The following TENM2 variants were observed in gnomAD, a reference collection of about 807,000 sequenced individuals.
The protein encoded by TENM2 is teneurin transmembrane protein 2, also known as teneurin-2.
Under a neutral mutation model 245.2 loss-of-function variants are expected in TENM2, and 52 were observed. That is an observed-to-expected ratio of 0.21 (90% CI 0.17 to 0.27). The LOEUF (loss-of-function observed/expected upper bound fraction) is 0.27. Among genes scored for constraint, TENM2 ranks in the 10% least tolerant of loss-of-function variants. TENM2 has a pLI of 1.00. For missense variants in TENM2, 3,046 were observed against 3,666.8 expected, an observed-to-expected ratio of 0.83 and a Z score of 4.37; for synonymous variants, 1,363 against 1,438.9, an observed-to-expected ratio of 0.95 and a Z score of 1.19.
intron 2 of TENM2, among the ~76,000 whole-genome samples, chr5:167,671,916 A>G (rs1025443187): frequency 2.6e-5 from 4 of 152,014 alleles, no homozygotes; most frequent in African/African-American, 9.7e-5. Flanking sequence ...AGTCATAGTA[A>G]TGATCTTTTA....
At position 167,312,921 on chromosome 5, in the gene TENM2, T is replaced by TTTC. The variant is rs3067273; in HGVS notation, c.226+27858_226+27859insTTC. Among the ~76,000 whole-genome samples the TTTC allele has an allele frequency of 5.7e-3, 840 of 146,622 alleles. 6 individuals carry two copies. Among genetic ancestry groups the TTTC allele is most frequent in the African/African-American group, 0.016 (649 of 39,994 alleles). ...TGACCTTGACTCTTTTTTTTTTTTT[T>TTTC]AAATGGAGCCTCCTTCTGTCACCCA... On this transcript the variant is annotated intron_variant, in intron 1 of 28. Coordinates refer to ENST00000518659, the Ensembl canonical transcript of TENM2.
intron 2 of TENM2, among the ~76,000 whole-genome samples, chr5:167,450,317 C>T (rs1488612240): frequency 2.0e-5 from 3 of 152,122 alleles, no homozygotes; most frequent in African/African-American, 7.2e-5. Context: ...AAAGTCTCTT[C>T]CACAATGTCA....
In TENM2 at chr5:168,217,864, A is replaced by G. The variant is rs184683282; in HGVS notation, c.4234-261A>G. The stretch of plus-strand genomic sequence containing the variant: ...GTCCAGCCATCTGGAGCTGAGAAGC[A>G]GCATCATAGGTAGAGCTGATGGCCT... On this transcript the variant is annotated intron_variant, in intron 22 of 28. Coordinates refer to ENST00000518659, the Ensembl canonical transcript of TENM2. Among the ~76,000 whole-genome samples, 3 of 152,336 alleles carry G rather than the reference A, an allele frequency of 2.0e-5. No individual in the cohort carries two copies. The East Asian group carries it at 5.8e-4, about 29-fold the overall frequency.
chr5:167,125,195 A>G, the TENM2 span, among the ~76,000 whole-genome samples: 2 of 152,226 alleles, frequency 1.3e-5, no homozygotes, highest in Non-Finnish European at 2.9e-5. Flanking sequence ...CCTGGGAGGA[A>G]TGTGTTACAG....
chr5:167,611,507 G>C (rs1023535094), intron 2 of TENM2, among the ~76,000 whole-genome samples: 6 of 152,046 alleles, frequency 3.9e-5, no homozygotes, highest in African/African-American at 1.4e-4. Context: ...AGCAAGGTGG[G>C]GTTGAGATGT....
At chr5:167,104,724 A>G in the TENM2 span, among the ~76,000 whole-genome samples, 1 of 152,186 alleles carries the variant, frequency 6.6e-6, no homozygotes, top group Non-Finnish European at 1.5e-5. Context: ...TTGTAGTGGA[A>G]GAAGAAGTCA....
intron 2 of TENM2, among the ~76,000 whole-genome samples, chr5:167,488,557 C>T (rs1217833142): frequency 6.6e-6 from 1 of 152,128 alleles, no homozygotes; most frequent in African/African-American, 2.4e-5. Flanking sequence ...GTTCTTCAGT[C>T]TCCTTTGCTA....
chr5:168,250,257 T>C lies in TENM2; in HGVS notation c.7432+1886T>C, dbSNP rs116121805. On this transcript the variant is annotated intron_variant, in intron 27 of 28. Transcript: ENST00000518659. The stretch of plus-strand genomic sequence containing the variant: ...GTGTGTGGATGGGAGGATGAATGGA[T>C]AGATGGATGGTTGGTAGGTAGGTAG... 4.0e-3 allele frequency among the ~76,000 whole-genome samples: 600 copies of C among 151,618 alleles called. 3 individuals are homozygous for C. Among genetic ancestry groups the C allele is most frequent in the African/African-American group, 0.013 (554 of 41,298 alleles).
upstream of TENM2, among the ~76,000 whole-genome samples, chr5:167,280,752 GTCTGTCTA>G (rs199726450): frequency 4.4e-3 from 568 of 130,240 alleles, 8 homozygotes; most frequent in East Asian, 0.042. Flanking sequence ...CTGTCTATCT[GTCTGTCTA>G]TCTATCTATC....
chr5:167,801,109 A>AATATATATATATAT (rs869282464), intron 2 of TENM2, among the ~76,000 whole-genome samples: 3 of 66,546 alleles, frequency 4.5e-5, no homozygotes, highest in Non-Finnish European at 8.0e-5. Flanking sequence ...AAAAAAAAAA[A>AATATATATATATAT]ATATATATAT....
intron 3 of TENM2, among the ~76,000 whole-genome samples, chr5:167,931,572 C>T (rs1405968027): frequency 9.0e-6 from 1 of 111,302 alleles, no homozygotes; most frequent in Non-Finnish European, 1.9e-5. Context: ...AAAAAAAAAA[C>T]AAGAAACATC....
chr5:167,678,536 A>T (rs1398756972), intron 2 of TENM2, among the ~76,000 whole-genome samples: 1 of 152,068 alleles, frequency 6.6e-6, no homozygotes, highest in Non-Finnish European at 1.5e-5. Flanking sequence ...TTGTTACTTA[A>T]AAGTCCAGTT....
At chr5:168,236,166 C>G (rs751086996) in intron 25 of TENM2, among the ~76,000 whole-genome samples, 6 of 152,168 alleles carry the variant, frequency 3.9e-5, no homozygotes, top group African/African-American at 1.4e-4. Context: ...ATTATCCACC[C>G]GGTACATGCA....
At chr5:167,044,026 T>TAGGAAGAAAGGAAGGA in the TENM2 span, among the ~76,000 whole-genome samples, 4 of 71,928 alleles carry the variant, frequency 5.6e-5, no homozygotes, top group South Asian at 3.5e-4. Context: ...CTCAAATAAA[T>TAGGAAGAAAGGAAGGA]AGTAAGGACA....
intron 4 of TENM2, 87 bp downstream of exon 6, chr5:167,952,909 C>A: frequency 9.1e-7 from 1 of 1,104,492 alleles, no homozygotes; most frequent in Non-Finnish European, 1.3e-6. Context: ...TCTCAGAGTT[C>A]CAGTCGGAGA....
chr5:167,935,282 T>C (rs534985205), intron 3 of TENM2, among the ~76,000 whole-genome samples: 14 of 152,262 alleles, frequency 9.2e-5, no homozygotes, highest in Non-Finnish European at 1.8e-4. Context: ...CCAAAGACCC[T>C]ATTGTGAGCC....
intron 5 of TENM2, among the ~76,000 whole-genome samples, chr5:168,010,820 G>A (rs891482115): frequency 1.3e-5 from 2 of 152,234 alleles, no homozygotes; most frequent in African/African-American, 2.4e-5. Flanking sequence ...AGCACTGTCC[G>A]TGTATTAGGA....
At chr5:167,741,699 A>C (rs1761186142) in intron 2 of TENM2, among the ~76,000 whole-genome samples, 1 of 152,058 alleles carries the variant, frequency 6.6e-6, no homozygotes, top group Admixed American at 6.6e-5. Flanking sequence ...CTACCTTCTC[A>C]CTTGCCTTGT....
At chr5:167,306,076 A>G (rs553721321) in intron 1 of TENM2, among the ~76,000 whole-genome samples, 17 of 152,310 alleles carry the variant, frequency 1.1e-4, no homozygotes, top group Non-Finnish European at 1.5e-4. Flanking sequence ...GCTTAAGGGG[A>G]ACCAGCATCC....
Sources: gnomAD v4.1 joint callset for allele counts (sites outside exome capture counted in the v4.1 genomes callset) on GRCh38, gnomAD v4.1.1 for gene constraint, MANE v1.5 for transcripts, NCBI Gene and HGNC (gene_info 2026-07-23, HGNC 2026-07-21) for gene names.